Variants in SYNE1 observed in about 807,000 individuals in gnomAD.
SYNE1 encodes nesprin-1.
A neutral mutation model predicts 1,111.0 loss-of-function variants in SYNE1; 616 were observed. That is an observed-to-expected ratio of 0.55 (90% CI 0.52 to 0.59). The LOEUF is 0.59. Among genes scored for constraint, SYNE1 ranks in the 20% least tolerant of loss-of-function variants. The probability of loss-of-function intolerance (pLI) is 0.00; values close to 1 mark genes in which losing one functional copy is unlikely to be tolerated. For synonymous variants in SYNE1, 3,855 were observed against 3,825.8 expected (o/e 1.01, Z -0.28); for missense variants, 10,006 against 10,417.0 (o/e 0.96, Z 1.72).
At position 152,310,476 on chromosome 6, in the gene SYNE1, C is replaced by A; in HGVS notation, c.16939G>T (p.Ala5647Ser). 1 of 1,614,112 alleles carries A rather than the reference C, an allele frequency of 6.2e-7. No individual in the cohort carries two copies. The highest frequency in any genetic ancestry group is 8.5e-7 in the Non-Finnish European group (1 of 1,180,018). ...AGTGTTGCCTGGGCTTGCTCCAAGG[C>A]AGCTTGTAACTTTTTCAACTCTGCT... ...FEAELKKLQA[A>S]LEQAQATLTS... Residue 5647 changes from alanine (A) to serine (S), a missense_variant, in exon 89 of 146, where the codon GCC (alanine) becomes TCC (serine). By Grantham distance (99) the Ala-to-Ser change is moderately conservative. Transcript: ENST00000367255.
chr6:152,622,170 C>G (rs908395154), intron 3 of SYNE1, among the ~76,000 whole-genome samples: 3 of 152,046 alleles, frequency 2.0e-5, no homozygotes, highest in African/African-American at 7.2e-5. Context: ...AGATTAAACC[C>G]AAAGGGATTT....
chr6:152,151,114 T>G (rs1352022254), intron 135 of SYNE1, among the ~76,000 whole-genome samples: 2 of 151,790 alleles, frequency 1.3e-5, no homozygotes, highest in African/African-American at 4.8e-5. Flanking sequence ...CTCAGCTCCT[T>G]GGCAGGCTGA....
intron 3 of SYNE1, among the ~76,000 whole-genome samples, chr6:152,584,855 A>G (rs547683164): frequency 1.3e-5 from 2 of 152,344 alleles, no homozygotes; most frequent in East Asian, 1.9e-4. Context: ...TTAAATCTTC[A>G]TCATATTTTA....
intron 22 of SYNE1, among the ~76,000 whole-genome samples, chr6:152,457,853 T>C (rs1385797063): frequency 6.6e-6 from 1 of 151,730 alleles, no homozygotes; most frequent in Non-Finnish European, 1.5e-5. Flanking sequence ...TAAAGCTATG[T>C]GTGGGAAGCA....
intron 6 of SYNE1, chr6:152,511,488 A>G: frequency 7.8e-7 from 1 of 1,274,154 alleles, no homozygotes; most frequent in Non-Finnish European, 1.1e-6. Flanking sequence ...CTTACTTTGA[A>G]GTTTGTTACC....
intron 54 of SYNE1, among the ~76,000 whole-genome samples, chr6:152,386,566 G>A (rs1013039460): frequency 5.3e-5 from 8 of 152,010 alleles, no homozygotes; most frequent in African/African-American, 1.7e-4. Flanking sequence ...TAATCATGAA[G>A]GAAATGAAAG....
intron 3 of SYNE1, among the ~76,000 whole-genome samples, chr6:152,597,447 AT>A (rs1218394702): frequency 6.6e-6 from 1 of 152,012 alleles, no homozygotes; most frequent in African/African-American, 2.4e-5. Flanking sequence ...TGTCTGATTA[AT>A]TTTTTTATTT....
intron 12 of SYNE1, among the ~76,000 whole-genome samples, chr6:152,485,289 C>A (rs2098933269): frequency 6.6e-6 from 1 of 152,148 alleles, no homozygotes; most frequent in African/African-American, 2.4e-5. Flanking sequence ...CCTAGGATTT[C>A]TCATTTCTAG....
chr6:152,293,948 T>G lies in SYNE1; in HGVS notation c.17850+12A>C, dbSNP rs2094734069. ...TCTGGTGGGCATAAACTAGTCCACCTTGAAGACTTACCACATTCTTTAAGG... is the reference window on the plus strand; with the variant it reads ...TCTGGTGGGCATAAACTAGTCCACCGTGAAGACTTACCACATTCTTTAAGG... On this transcript the variant is annotated intron_variant, in intron 94 of 145. Coordinates refer to ENST00000367255, the MANE Select transcript of SYNE1 (RefSeq NM_182961.4). The G allele has an allele frequency of 1.2e-6, 2 of 1,614,080 alleles. No homozygotes were observed. Among genetic ancestry groups the G allele is most frequent in the Non-Finnish European group, 1.7e-6 (2 of 1,180,008 alleles).
Position 152,300,041 on chromosome 6 carries a change from C to T in SYNE1, c.17682+600G>A, listed in dbSNP as rs535928143. 5.9e-5 allele frequency among the ~76,000 whole-genome samples: 9 copies of T among 152,024 alleles called. No individual in the cohort carries two copies. In the East Asian group the frequency reaches 1.2e-3, roughly 20 times the overall value. On this transcript the variant is annotated intron_variant, in intron 93 of 145. Transcript: ENST00000367255. ...TCTACATTTAATACATGGTAAAAGG[C>T]TTCTTATAACTAAATGGTTATTTTA...
At chr6:152,132,557 G>T (rs539461386) in intron 143 of SYNE1, among the ~76,000 whole-genome samples, 4 of 152,298 alleles carry the variant, frequency 2.6e-5, no homozygotes, top group African/African-American at 7.2e-5. Flanking sequence ...AGAGCCTGCT[G>T]GTCACTCAGG....
intron 128 of SYNE1, among the ~76,000 whole-genome samples, chr6:152,186,448 C>T (rs1165863935): frequency 6.6e-6 from 1 of 150,404 alleles, no homozygotes; most frequent in Admixed American, 6.7e-5. Context: ...CTCAGTTACT[C>T]GGGAGGCTGA....
rs769306377 is a variant in SYNE1 at position 152,316,966 on chromosome 6, T to A, written c.16593A>T (p.Glu5531Asp). The part of the protein sequence containing the change: ...KLNQAASHLE[E>D]YNEMLELILK... The stretch of plus-strand genomic sequence containing the variant: ...AAATTAATTCAAGCATTTCATTGTA[T>A]TCTTCTAAATGTGATGCTGCCTGAA... The change falls in exon 87 of 146, where the codon GAA (glutamate) becomes GAT (aspartate). Residue 5531 changes from glutamate (E) to aspartate (D), a missense_variant. Around this residue, in one of 7 missense-constraint regions of SYNE1, gnomAD observed 4,955 missense variants for 5,017.2 expected, o/e 0.99. Coordinates refer to ENST00000367255, the MANE Select transcript of SYNE1 (RefSeq NM_182961.4). The A allele has an allele frequency of 1.9e-6, 3 of 1,614,072 alleles. No homozygotes were observed. The Admixed American group carries it at 5.0e-5, about 27-fold the overall frequency.
rs2152524493 is a variant in SYNE1, at chr6:152,122,454, A to G, written c.26376T>C (p.Asn8792=). Residue 8792 remains asparagine, a synonymous_variant, in exon 146 of 146, where the codon AAT becomes AAC. Transcript: ENST00000367255. ...GCTTAGTTCAGAGTGGAGGAGGGCC[A>G]TTCGTGTATCTGAGCATGGGGTGGA... The part of the protein sequence containing the change: ...RSFHPMLRYT[N]GPPPL 1 of 1,614,154 alleles carries G rather than the reference A, an allele frequency of 6.2e-7. No homozygotes were observed. Among genetic ancestry groups the G allele is most frequent in the Non-Finnish European group, 8.5e-7 (1 of 1,180,030 alleles).
At chr6:152,435,827 T>G in intron 33 of SYNE1, 114 bp downstream of exon 33, 1 of 1,322,030 alleles carries the variant, frequency 7.6e-7, no homozygotes, top group Non-Finnish European at 1.1e-6. Context: ...CAAAACATGC[T>G]GAAATACACA....
chr6:152,219,256 G>GGGCT lies in SYNE1; in HGVS notation c.21862-75_21862-72dup, dbSNP rs559281528. ...CTTATCATAAACAGCAATCGGCAAA[G>GGGCT]GGCTACACATGTAGAAACACACCAT... On this transcript the variant is annotated intron_variant, in intron 119 of 145. Transcript: ENST00000367255. The GGGCT allele has an allele frequency of 5.4e-5, 76 of 1,406,774 alleles. 1 individual carries two copies. The East Asian group carries it at 1.7e-3, about 31-fold the overall frequency. 87.1% of individuals were successfully genotyped at this position (1,406,774 alleles called of 1,614,324 possible). A position where few individuals can be genotyped will look rare whatever the true frequency, so the allele number is the denominator to read the frequency against.
At chr6:152,369,752 G>A (rs568018043) in intron 59 of SYNE1, 138 bp from the exon 60 acceptor site, 2 of 989,988 alleles carry the variant, frequency 2.0e-6, no homozygotes, top group Admixed American at 2.0e-5. Flanking sequence ...GGTGGCCGAG[G>A]TGAGCAGATA....
intron 3 of SYNE1, among the ~76,000 whole-genome samples, chr6:152,582,714 T>G (rs1458074844): frequency 6.6e-6 from 1 of 152,110 alleles, no homozygotes; most frequent in African/African-American, 2.4e-5. Context: ...GATAAGTTAT[T>G]TTTCAATCAT....
chr6:152,187,499 C>T (rs565378356), intron 128 of SYNE1, among the ~76,000 whole-genome samples: 1 of 152,258 alleles, frequency 6.6e-6, no homozygotes, highest in South Asian at 2.1e-4. Flanking sequence ...AGAGCCCCCT[C>T]TCAACAGCCC....
Sources: gnomAD v4.1 joint callset for allele counts (sites outside exome capture counted in the v4.1 genomes callset) on GRCh38, gnomAD v4.1.1 for gene constraint, gnomAD v4.1.1 regional missense constraint, MANE v1.5 for transcripts, NCBI Gene and HGNC (gene_info 2026-07-23, HGNC 2026-07-21) for gene names.